EFHD1: variants seen among roughly 807,000 people sequenced by gnomAD.
EFHD1 encodes EF-hand domain-containing protein D1.
A neutral mutation model predicts 17.2 loss-of-function variants in EFHD1; 10 were observed. That is an observed-to-expected ratio of 0.58 (90% confidence interval 0.36 to 0.99). The LOEUF (loss-of-function observed/expected upper bound fraction) is 0.99, where lower values mean the gene tolerates loss of function less well. Ranked by LOEUF, EFHD1 falls within the 50% of genes least tolerant of loss-of-function variation. The pLI is 0.01. For missense variants in EFHD1, 310 were observed against 327.5 expected (o/e 0.95, Z 0.41); for synonymous variants, 153 against 142.0 (o/e 1.08, Z -0.55).
At chr2:232,627,666 T>A (rs757629292) in intron 1 of EFHD1, among the ~76,000 whole-genome samples, 3 of 152,080 alleles carry the variant, frequency 2.0e-5, no homozygotes, top group Non-Finnish European at 4.4e-5. Context: ...TTAAGCCAGA[T>A]GTAGAAGACA....
intron 1 of EFHD1, among the ~76,000 whole-genome samples, chr2:232,648,997 T>C (rs561817013): frequency 8.6e-4 from 131 of 151,738 alleles, no homozygotes; most frequent in Non-Finnish European, 1.4e-3. Context: ...CCCTGGGGAG[T>C]TTCCAACAGC....
At chr2:232,642,795 TC>T (rs1157258981) in intron 1 of EFHD1, among the ~76,000 whole-genome samples, 1 of 152,058 alleles carries the variant, frequency 6.6e-6, no homozygotes, top group Non-Finnish European at 1.5e-5. Context: ...GAGAGTCACC[TC>T]CAGCTGTTCC....
chr2:232,641,365 G>T (rs139910312), intron 1 of EFHD1, among the ~76,000 whole-genome samples: 1 of 152,150 alleles, frequency 6.6e-6, no homozygotes, highest in Admixed American at 6.5e-5. Context: ...GGAACGAAAG[G>T]TCTTGCAAGG....
intron 2 of EFHD1, 90 bp from the exon 3 acceptor site, chr2:232,672,219 T>C: frequency 6.4e-7 from 1 of 1,552,842 alleles, no homozygotes; most frequent in Non-Finnish European, 8.9e-7. Context: ...TCTTAAGTGA[T>C]TGGCAGAGTG....
At chr2:232,611,172 T>C (rs570211980) in intron 1 of EFHD1, among the ~76,000 whole-genome samples, 10 of 152,204 alleles carry the variant, frequency 6.6e-5, no homozygotes, top group African/African-American at 2.2e-4. Flanking sequence ...CATGAGACCA[T>C]GTTGCCCAGG....
chr2:232,620,387 C>CAA (rs78046050), intron 1 of EFHD1, among the ~76,000 whole-genome samples: 15 of 81,860 alleles, frequency 1.8e-4, no homozygotes, highest in Admixed American at 8.1e-4. Flanking sequence ...GACTCCATCT[C>CAA]AAAAAAAAAA....
In EFHD1 at chr2:232,643,794, CT is replaced by C. The variant is rs1574715225; in HGVS notation, c.302+9789del. On this transcript the variant is annotated intron_variant, in intron 1 of 3. Transcript: ENST00000264059. The stretch of plus-strand genomic sequence containing the variant: ...CACCTCCTGGGTTCAAGTGACCCCC[CT>C]GCCTCAGCCTCCTGAGTAGCTGGGA... 2.0e-5 allele frequency among the ~76,000 whole-genome samples: 3 copies of C among 152,334 alleles called. 1 individual carries two copies. Among genetic ancestry groups the C allele is most frequent in the South Asian group, 2.1e-4 (1 of 4,832 alleles).
intron 1 of EFHD1, among the ~76,000 whole-genome samples, chr2:232,639,698 T>G (rs954286448): frequency 6.6e-6 from 1 of 152,154 alleles, no homozygotes; most frequent in Non-Finnish European, 1.5e-5. Context: ...CCGAATGGCC[T>G]AAGAGTCCAC....
intron 1 of EFHD1, among the ~76,000 whole-genome samples, chr2:232,626,116 C>T (rs184053074): frequency 1.1e-3 from 171 of 152,102 alleles, no homozygotes; most frequent in Non-Finnish European, 1.7e-3. Flanking sequence ...TGCTTGATCC[C>T]GGGAGGTTGA....
chr2:232,622,050 G>A (rs1051394695), intron 1 of EFHD1, among the ~76,000 whole-genome samples: 21 of 152,190 alleles, frequency 1.4e-4, no homozygotes, highest in Admixed American at 2.6e-4. Flanking sequence ...AAATGCTCCC[G>A]TCAGCAGGTG....
At chr2:232,634,094 TG>T (rs1694267471) in intron 1 of EFHD1, 88 bp downstream of exon 1, 2 of 1,538,120 alleles carry the variant, frequency 1.3e-6, no homozygotes. Context: ...CCTGTTTGTG[TG>T]GGGAGGGGTC....
intron 1 of EFHD1, among the ~76,000 whole-genome samples, chr2:232,660,591 T>C (rs1242988808): frequency 6.6e-6 from 1 of 152,102 alleles, no homozygotes; most frequent in Non-Finnish European, 1.5e-5. Flanking sequence ...CACCCCAGTC[T>C]CCCAAGTAGC....
chr2:232,638,796 G>T (rs989262512), intron 1 of EFHD1, among the ~76,000 whole-genome samples: 1 of 152,166 alleles, frequency 6.6e-6, no homozygotes, highest in African/African-American at 2.4e-5. Flanking sequence ...GACTTGTCCT[G>T]GCTATAGCTT....
intron 1 of EFHD1, among the ~76,000 whole-genome samples, chr2:232,658,345 C>T (rs985296652): frequency 1.2e-4 from 18 of 151,844 alleles, no homozygotes; most frequent in African/African-American, 3.6e-4. Context: ...CTTTAACTAA[C>T]AGCCAGTCCG....
intron 2 of EFHD1, among the ~76,000 whole-genome samples, chr2:232,664,980 T>C (rs1694944224): frequency 1.3e-5 from 2 of 151,900 alleles, no homozygotes; most frequent in Non-Finnish European, 2.9e-5. Context: ...GGTATAGTCT[T>C]ACCTCACTGC....
intron 1 of EFHD1, among the ~76,000 whole-genome samples, chr2:232,658,746 T>C (rs538492043): frequency 6.6e-6 from 1 of 151,350 alleles, no homozygotes; most frequent in South Asian, 2.1e-4. Flanking sequence ...GGGATAGGGG[T>C]GGCAAGGGGA....
Position 232,626,565 on chromosome 2 carries a change from T to A in EFHD1, c.14+20392T>A, listed in dbSNP as rs140076542. ...CTTGCCTAAAATTAATTAATTAATT[T>A]ATTTATTTATAAATTTTGATCCTTA... On this transcript the variant is annotated intron_variant, in intron 1 of 3. Transcript: ENST00000409613. 8.0e-3 allele frequency among the ~76,000 whole-genome samples: 1,221 copies of A among 152,238 alleles called. 6 individuals carry two copies. The highest frequency in any genetic ancestry group is 8.5e-3 in the Non-Finnish European group (576 of 68,026).
intron 1 of EFHD1, among the ~76,000 whole-genome samples, chr2:232,644,910 G>C (rs1694500044): frequency 6.7e-6 from 1 of 149,914 alleles, no homozygotes; most frequent in Non-Finnish European, 1.5e-5. Flanking sequence ...CCAAAGTGCT[G>C]GGATTACAGG....
upstream of EFHD1, among the ~76,000 whole-genome samples, chr2:232,628,934 C>T (rs915143627): frequency 2.0e-5 from 3 of 152,140 alleles, no homozygotes; most frequent in Admixed American, 6.6e-5. Context: ...ACCCTTGGAG[C>T]CTAGTGACCA....
Sources: allele counts gnomAD v4.1 joint callset (sites outside exome capture counted in the v4.1 genomes callset), GRCh38; gene constraint gnomAD v4.1.1; transcripts MANE v1.5; gene names NCBI Gene and HGNC (gene_info 2026-07-23, HGNC 2026-07-21).